Variants in STK3 observed in about 807,000 individuals in gnomAD.
STK3 encodes serine/threonine-protein kinase 3.
In STK3, 41 loss-of-function variants were observed where a neutral mutation model predicts 58.0. That is an observed-to-expected ratio of 0.71 (90% CI 0.55 to 0.92). STK3 has a LOEUF of 0.92. Among genes scored for constraint, STK3 ranks in the 40% least tolerant of loss-of-function variants. The pLI is 0.00. For missense variants in STK3, 479 were observed against 602.7 expected (o/e 0.79, Z 2.15); for synonymous variants, 170 against 191.0 (o/e 0.89, Z 0.91).
intron 3 of STK3, among the ~76,000 whole-genome samples, chr8:98,832,278 CTA>C (rs145802124): frequency 1.3e-5 from 2 of 148,386 alleles, no homozygotes; most frequent in Non-Finnish European, 3.0e-5. Context: ...ATATAGATAT[CTA>C]TATATATATT....
At chr8:98,532,922 T>C (rs1826276742) in intron 9 of STK3, among the ~76,000 whole-genome samples, 1 of 152,224 alleles carries the variant, frequency 6.6e-6, no homozygotes, top group Non-Finnish European at 1.5e-5. Context: ...CATATAAGTA[T>C]AATCCATTAA....
At chr8:98,511,626 T>G (rs1824523202) in intron 10 of STK3, among the ~76,000 whole-genome samples, 2 of 152,100 alleles carry the variant, frequency 1.3e-5, no homozygotes, top group South Asian at 2.1e-4. Context: ...AAATAATAGT[T>G]TCCTAAAAAT....
chr8:98,672,437 T>C (rs1451253174), intron 6 of STK3, among the ~76,000 whole-genome samples: 2 of 152,224 alleles, frequency 1.3e-5, no homozygotes, highest in Non-Finnish European at 2.9e-5. Flanking sequence ...AGATCTTTTC[T>C]ATAGAATCAT....
intron 3 of STK3, among the ~76,000 whole-genome samples, chr8:98,751,540 G>C (rs749874750): frequency 6.6e-6 from 1 of 152,028 alleles, no homozygotes; most frequent in Non-Finnish European, 1.5e-5. Context: ...TAGGAAGACA[G>C]CAAACTAGGG....
At chr8:98,878,560 TTTAAA>T (rs1216546439) in intron 3 of STK3, among the ~76,000 whole-genome samples, 1 of 152,058 alleles carries the variant, frequency 6.6e-6, no homozygotes, top group Non-Finnish European at 1.5e-5. Flanking sequence ...CGTCACTCTC[TTTAAA>T]TTAGCCAATC....
At chr8:98,872,438 C>T (rs558473358) in intron 3 of STK3, among the ~76,000 whole-genome samples, 2 of 152,220 alleles carry the variant, frequency 1.3e-5, no homozygotes, top group African/African-American at 4.8e-5. Flanking sequence ...CTCTTTATAC[C>T]GCTGGTAGAA....
intron 1 of STK3, among the ~76,000 whole-genome samples, chr8:98,898,405 C>G (rs1000990879): frequency 4.6e-5 from 7 of 152,164 alleles, no homozygotes; most frequent in African/African-American, 1.4e-4. Flanking sequence ...GTCTAATCAG[C>G]TAGGGCCAAA....
chr8:98,904,745 G>T, intron 1 of STK3: 1 of 826,626 alleles, frequency 1.2e-6, no homozygotes, highest in Non-Finnish European at 2.0e-6. Flanking sequence ...GGGGAGCATG[G>T]CTGCAGCATG....
intron 6 of STK3, among the ~76,000 whole-genome samples, chr8:98,682,564 G>A (rs576403273): frequency 3.9e-4 from 60 of 152,144 alleles, no homozygotes; most frequent in African/African-American, 1.4e-3. Flanking sequence ...GATCCCAGAT[G>A]TAATAAAGAT....
At chr8:98,893,736 C>G (rs571145505) in intron 1 of STK3, among the ~76,000 whole-genome samples, 2 of 152,106 alleles carry the variant, frequency 1.3e-5, no homozygotes, top group Non-Finnish European at 2.9e-5. Flanking sequence ...GTGAAGTACC[C>G]GCACTTGGCC....
chr8:98,389,570 G>A (rs895437460), upstream of STK3, among the ~76,000 whole-genome samples: 5 of 152,088 alleles, frequency 3.3e-5, no homozygotes, highest in African/African-American at 1.2e-4. Flanking sequence ...CCTGAAGGAT[G>A]ACTGCTACCA....
At chr8:98,470,290 C>T (rs984050955) in intron 10 of STK3, among the ~76,000 whole-genome samples, 1 of 152,206 alleles carries the variant, frequency 6.6e-6, no homozygotes, top group Non-Finnish European at 1.5e-5. Flanking sequence ...TAGGAATGCC[C>T]ATTTGAATGA....
intron 1 of STK3, chr8:98,782,505 C>T: frequency 3.4e-6 from 1 of 295,814 alleles, no homozygotes; most frequent in Non-Finnish European, 6.8e-6. Flanking sequence ...ATGCTCCTGG[C>T]TGACCAGGCA....
intron 2 of STK3, among the ~76,000 whole-genome samples, chr8:98,377,919 C>G (rs1817691215): frequency 6.6e-6 from 1 of 152,156 alleles, no homozygotes; most frequent in Admixed American, 6.5e-5. Context: ...CTCCACTGCT[C>G]TCTCCTGCCT....
chr8:98,546,782 C>T (rs1162156083), intron 9 of STK3, among the ~76,000 whole-genome samples: 1 of 152,066 alleles, frequency 6.6e-6, no homozygotes, highest in African/African-American at 2.4e-5. Flanking sequence ...AGAAGACCCA[C>T]CAATGGCAGG....
intron 6 of STK3, among the ~76,000 whole-genome samples, chr8:98,675,945 T>C (rs1002289963): frequency 1.3e-5 from 2 of 151,862 alleles, no homozygotes; most frequent in Non-Finnish European, 2.9e-5. Flanking sequence ...AGCCAAAAGG[T>C]GGAAACAATC....
chr8:98,849,283 A>G (rs765939083), intron 3 of STK3, among the ~76,000 whole-genome samples: 18 of 151,962 alleles, frequency 1.2e-4, no homozygotes, highest in Non-Finnish European at 2.4e-4. Context: ...ACTTATTCCA[A>G]TATCTGTATA....
At chr8:98,404,064 G>A (rs1817969814) in intron 3 of STK3, among the ~76,000 whole-genome samples, 1 of 152,206 alleles carries the variant, frequency 6.6e-6, no homozygotes, top group Non-Finnish European at 1.5e-5. Flanking sequence ...TTGAGGCAGA[G>A]TTTATGCACT....
chr8:98,936,772 A>G (rs530999954), intron 1 of STK3, among the ~76,000 whole-genome samples: 44 of 152,328 alleles, frequency 2.9e-4, no homozygotes, highest in African/African-American at 1.0e-3. Flanking sequence ...GGAAAAGAAA[A>G]AGACAACCAT....
Sources: allele counts gnomAD v4.1 joint callset (sites outside exome capture counted in the v4.1 genomes callset), GRCh38; gene constraint gnomAD v4.1.1; transcripts MANE v1.5; gene names NCBI Gene and HGNC (gene_info 2026-07-23, HGNC 2026-07-21).